Variants in YEATS4 observed in about 807,000 individuals in gnomAD.
The protein encoded by YEATS4 is YEATS domain containing 4.
A neutral mutation model predicts 30.1 loss-of-function variants in YEATS4; 17 were observed. The ratio of observed to expected loss-of-function variants is 0.56; its 90% confidence interval spans 0.39 to 0.85. The LOEUF (loss-of-function observed/expected upper bound fraction) is 0.85, where lower values mean the gene tolerates loss of function less well. Among genes scored for constraint, YEATS4 ranks in the 40% least tolerant of loss-of-function variants. YEATS4 has a pLI of 0.00. For missense variants in YEATS4, 142 were observed against 268.3 expected, an observed-to-expected ratio of 0.53 and a Z score of 3.29; for synonymous variants, 85 against 87.5, an observed-to-expected ratio of 0.97 and a Z score of 0.16.
Position 69,376,623 on chromosome 12 carries a change from T to C in YEATS4, c.514+5648T>C, listed in dbSNP as rs190815327. 5.0e-3 allele frequency among the ~76,000 whole-genome samples: 755 copies of C among 152,382 alleles called. 7 individuals carry two copies. The highest frequency in any genetic ancestry group is 0.018 in the South Asian group (89 of 4,830). On this transcript the variant is annotated intron_variant, in intron 6 of 6. Coordinates refer to ENST00000247843, the MANE Select transcript of YEATS4 (RefSeq NM_006530.4). ...AATTCTTTTTGCTAGTGTTTTGTTATGGATTTTTGCATCAGTGTTCATCAG... is the reference window on the plus strand; with the variant it reads ...AATTCTTTTTGCTAGTGTTTTGTTACGGATTTTTGCATCAGTGTTCATCAG...
At chr12:69,382,345 T>C (rs1437111493) in intron 6 of YEATS4, among the ~76,000 whole-genome samples, 1 of 152,036 alleles carries the variant, frequency 6.6e-6, no homozygotes, top group Non-Finnish European at 1.5e-5. Flanking sequence ...GGGCCTGGAG[T>C]TGGAAACCTT....
the YEATS4 span, among the ~76,000 whole-genome samples, chr12:69,412,135 G>A: frequency 6.6e-6 from 1 of 152,184 alleles, no homozygotes; most frequent in African/African-American, 2.4e-5. Flanking sequence ...CTGTGCAACT[G>A]CAGATTCATT....
At chr12:69,391,778 A>G (rs996060078), downstream of YEATS4, among the ~76,000 whole-genome samples, 1 of 152,122 alleles carries the variant, frequency 6.6e-6, no homozygotes, top group African/African-American at 2.4e-5. Flanking sequence ...GGGCCTGGGG[A>G]TAGATCAGGA....
At chr12:69,411,636 G>A in the YEATS4 span, among the ~76,000 whole-genome samples, 1 of 152,182 alleles carries the variant, frequency 6.6e-6, no homozygotes, top group Non-Finnish European at 1.5e-5. Context: ...AGTACTGGAG[G>A]GGAGTGTGGA....
In YEATS4 at chr12:69,370,436, G is replaced by T. The variant is rs756944355; in HGVS notation, c.334-270G>T. On this transcript the variant is annotated intron_variant, in intron 4 of 6. Transcript: ENST00000247843. ...TTTAATTTCTATAGCTTTATCTTGT[G>T]TTATTTTTAGTTTCCTCTCTAGAGA... is the stretch of plus-strand genomic sequence containing the variant. 1.9e-4 allele frequency among the ~76,000 whole-genome samples: 29 copies of T among 152,210 alleles called. No individual in the cohort carries two copies. Among genetic ancestry groups the T allele is most frequent in the Middle Eastern group, 3.4e-3 (1 of 294 alleles).
the YEATS4 span, among the ~76,000 whole-genome samples, chr12:69,418,774 C>T: frequency 1.3e-5 from 2 of 151,812 alleles, no homozygotes; most frequent in Admixed American, 1.3e-4. Flanking sequence ...ATCATAATTG[C>T]CAATAAGTTG....
At chr12:69,370,657 T>G (rs745764058) in intron 4 of YEATS4, 49 bp from the exon 5 acceptor site, 2 of 1,429,302 alleles carry the variant, frequency 1.4e-6, no homozygotes, top group Non-Finnish European at 1.9e-6. Context: ...CAGTATCTTA[T>G]GATGATAAAA....
In YEATS4 at chr12:69,390,477, A is replaced by G. The variant is rs1868304819; in HGVS notation, c.*161A>G. ...CAATAGGAATTTGTACTATTTAAGC[A>G]ATCTTTAATGGAAAATATGTGTGTA... On this transcript the variant is annotated 3_prime_UTR_variant, in exon 7 of 7. Coordinates refer to ENST00000247843, the MANE Select transcript of YEATS4 (RefSeq NM_006530.4). 2 of 569,630 alleles carry G rather than the reference A, an allele frequency of 3.5e-6. No individual in the cohort carries two copies. Among genetic ancestry groups the G allele is most frequent in the Admixed American group, 8.1e-5 (2 of 24,636 alleles). The allele number at this position is 569,630 out of a possible 1,614,324, so 35.3% of individuals were successfully genotyped here.
the YEATS4 span, among the ~76,000 whole-genome samples, chr12:69,416,636 C>A: frequency 1.3e-4 from 20 of 152,294 alleles, no homozygotes; most frequent in Admixed American, 6.5e-4. Context: ...CAGTAGGTAA[C>A]CTAGACTTGC....
intron 1 of YEATS4, among the ~76,000 whole-genome samples, chr12:69,360,935 C>G (rs539494524): frequency 5.3e-5 from 8 of 151,994 alleles, no homozygotes; most frequent in Admixed American, 1.3e-4. Flanking sequence ...AGGTGGCTCA[C>G]GCCTGTAATC....
rs374212935 is a variant in YEATS4, at chr12:69,390,337, G to C, written c.*21G>C. ...TATAAACAGTTCTCATGAGAACTTG[G>C]TAGTAAGCTAAACTGAAAATAAGGT... is the stretch of plus-strand genomic sequence containing the variant. On this transcript the variant is annotated 3_prime_UTR_variant, in exon 7 of 7. Transcript: ENST00000247843. The C allele has an allele frequency of 9.5e-5, 146 of 1,535,102 alleles. No homozygotes were observed. Among genetic ancestry groups the C allele is most frequent in the Admixed American group, 2.6e-4 (11 of 42,192 alleles).
Position 69,374,666 on chromosome 12 carries a change from T to TAGTGG in YEATS4, c.514+3692_514+3693insGTGGA, listed in dbSNP as rs200709076. Among the ~76,000 whole-genome samples, 7 of 85,146 alleles carry TAGTGG rather than the reference T, an allele frequency of 8.2e-5. No homozygotes were observed. The East Asian group carries it at 2.4e-3, about 29-fold the overall frequency. 55.9% of individuals were successfully genotyped at this position (85,146 alleles called of 152,430 possible). ...CGCCGCCCTTAATCCATTTAACCCT[T>TAGTGG]ACACATGTTTCAGAGAGCACGGGGT... On this transcript the variant is annotated intron_variant, in intron 6 of 6. Coordinates refer to ENST00000247843, the MANE Select transcript of YEATS4 (RefSeq NM_006530.4).
the YEATS4 span, among the ~76,000 whole-genome samples, chr12:69,416,696 C>T: frequency 7.1e-4 from 108 of 152,296 alleles, no homozygotes; most frequent in African/African-American, 2.5e-3. Context: ...CAGGCTACTT[C>T]GCTCAGATCA....
At position 69,362,847 on chromosome 12, in the gene YEATS4, AAG is replaced by A. The variant is rs759663332; in HGVS notation, c.115_116del (p.Glu39ArgfsTer16). The A allele has an allele frequency of 6.4e-5, 104 of 1,612,786 alleles. No homozygotes were observed. Among genetic ancestry groups the A allele is most frequent in the Non-Finnish European group, 8.4e-5 (99 of 1,179,262 alleles). On this transcript the variant is annotated frameshift_variant, in exon 2 of 7. Coordinates refer to ENST00000247843, the MANE Select transcript of YEATS4 (RefSeq NM_006530.4). LOFTEE classifies it high-confidence loss of function. The stretch of plus-strand genomic sequence containing the variant: ...ATGTTGCTCGGTATTTTGGAAAGAA[AAG>A]AGAAGAAGATGGGCACACTCATCAG... ...GNVARYFGKK[R>X]EEDGHTHQWT...
At chr12:69,394,267 A>G (rs1868335527), downstream of YEATS4, among the ~76,000 whole-genome samples, 1 of 152,188 alleles carries the variant, frequency 6.6e-6, no homozygotes, top group Non-Finnish European at 1.5e-5. Flanking sequence ...ATAAAATGCA[A>G]CCCTTCTAAA....
At chr12:69,407,685 G>A in the YEATS4 span, among the ~76,000 whole-genome samples, 1 of 132,204 alleles carries the variant, frequency 7.6e-6, no homozygotes, top group African/African-American at 2.8e-5. Flanking sequence ...TGTATTCTAA[G>A]TACAAATACT....
intron 4 of YEATS4, among the ~76,000 whole-genome samples, chr12:69,367,832 A>G (rs1875496219): frequency 6.6e-6 from 1 of 152,208 alleles, no homozygotes; most frequent in Non-Finnish European, 1.5e-5. Flanking sequence ...ATATGTTACT[A>G]GAGTAGAAGC....
the YEATS4 span, among the ~76,000 whole-genome samples, chr12:69,413,926 T>C: frequency 6.6e-6 from 1 of 151,754 alleles, no homozygotes; most frequent in African/African-American, 2.4e-5. Flanking sequence ...CAAGAAAGTC[T>C]CCTGCTTACA....
chr12:69,403,576 C>CAAAAAAAAAA, the YEATS4 span, among the ~76,000 whole-genome samples: 1 of 87,128 alleles, frequency 1.1e-5, no homozygotes. Context: ...GACTCTGTCT[C>CAAAAAAAAAA]AAAAAAAAAA....
Sources: allele counts gnomAD v4.1 joint callset (sites outside exome capture counted in the v4.1 genomes callset), GRCh38; gene constraint gnomAD v4.1.1; transcripts MANE v1.5; gene names NCBI Gene and HGNC (gene_info 2026-07-23, HGNC 2026-07-21).